Variants in PRKACB observed in about 807,000 individuals in gnomAD.
The protein encoded by PRKACB is protein kinase cAMP-activated catalytic subunit beta, also known as cAMP-dependent protein kinase catalytic subunit beta.
PRKACB carries 16 observed loss-of-function variants against 51.4 expected under a neutral mutation model. The ratio of observed to expected loss-of-function variants is 0.31; its 90% CI spans 0.21 to 0.47. The LOEUF is 0.47. Among genes scored for constraint, PRKACB ranks in the 20% least tolerant of loss-of-function variants. The pLI is 1.00. For synonymous variants in PRKACB, 147 were observed against 154.4 expected, an observed-to-expected ratio of 0.95 and a Z score of 0.35; for missense variants, 309 against 464.5, an observed-to-expected ratio of 0.67 and a Z score of 3.08.
intron 1 of PRKACB, among the ~76,000 whole-genome samples, chr1:84,092,416 G>C (rs1273337070): frequency 1.3e-5 from 2 of 152,198 alleles, no homozygotes; most frequent in Non-Finnish European, 2.9e-5. Context: ...TTCTATGGTT[G>C]ATGTAAATTT....
At chr1:84,193,058 C>T (rs1667245762) in intron 5 of PRKACB, among the ~76,000 whole-genome samples, 1 of 152,084 alleles carries the variant, frequency 6.6e-6, no homozygotes, top group Admixed American at 6.6e-5. Flanking sequence ...AAACTGAGGT[C>T]TAAACCTTAC....
intron 1 of PRKACB, among the ~76,000 whole-genome samples, chr1:84,171,741 C>A (rs1238944828): frequency 6.6e-6 from 1 of 151,472 alleles, no homozygotes; most frequent in African/African-American, 2.4e-5. Context: ...TCATTATTCA[C>A]AAATGATTTG....
chr1:84,204,422 T>C, intron 8 of PRKACB: 2 of 1,319,680 alleles, frequency 1.5e-6, no homozygotes, highest in Non-Finnish European at 1.1e-6. Flanking sequence ...GCTGTTCTTC[T>C]TACATTTGTA....
chr1:84,116,995 A>T (rs1571644230), intron 1 of PRKACB, among the ~76,000 whole-genome samples: 1 of 148,314 alleles, frequency 6.7e-6, no homozygotes, highest in Non-Finnish European at 1.5e-5. Flanking sequence ...TGTTCCTTTT[A>T]TGCCTAGTTT....
intron 8 of PRKACB, chr1:84,204,997 C>T (rs558453063): frequency 1.0e-6 from 1 of 983,664 alleles, no homozygotes; most frequent in Non-Finnish European, 1.2e-6. Flanking sequence ...TCATAACAGT[C>T]TAAATCCTGG....
chr1:84,132,900 T>C (rs1652387277), intron 1 of PRKACB, among the ~76,000 whole-genome samples: 1 of 152,034 alleles, frequency 6.6e-6, no homozygotes, highest in African/African-American at 2.4e-5. Flanking sequence ...TAAAAAGGTA[T>C]ATGATTTATC....
intron 9 of PRKACB, among the ~76,000 whole-genome samples, chr1:84,220,580 A>C (rs908305541): frequency 1.3e-5 from 2 of 152,140 alleles, no homozygotes; most frequent in Non-Finnish European, 2.9e-5. Flanking sequence ...TGAGTTTGTC[A>C]TATATGACCT....
intron 1 of PRKACB, among the ~76,000 whole-genome samples, chr1:84,128,505 G>A (rs1344864269): frequency 6.6e-6 from 1 of 152,114 alleles, no homozygotes; most frequent in Non-Finnish European, 1.5e-5. Flanking sequence ...TTGTTTGCAT[G>A]CTTCCAGTGT....
intron 1 of PRKACB, among the ~76,000 whole-genome samples, chr1:84,102,379 T>G (rs1649418835): frequency 6.6e-6 from 1 of 151,788 alleles, no homozygotes; most frequent in Non-Finnish European, 1.5e-5. Flanking sequence ...AGAGCGAGAC[T>G]CCATCTCAAA....
chr1:84,148,702 T>A (rs1163049726), intron 1 of PRKACB, among the ~76,000 whole-genome samples: 1 of 152,178 alleles, frequency 6.6e-6, no homozygotes, highest in African/African-American at 2.4e-5. Flanking sequence ...CAGTGTTACC[T>A]GTGTATTTTT....
At chr1:84,188,662 A>G (rs1031496371) in intron 5 of PRKACB, among the ~76,000 whole-genome samples, 8 of 151,962 alleles carry the variant, frequency 5.3e-5, no homozygotes, top group Non-Finnish European at 7.4e-5. Flanking sequence ...TAAAAGATCT[A>G]GTATCACATC....
At chr1:84,088,363 G>T (rs1256425103) in intron 1 of PRKACB, among the ~76,000 whole-genome samples, 1 of 152,122 alleles carries the variant, frequency 6.6e-6, no homozygotes, top group East Asian at 1.9e-4. Context: ...TCTGGACTTT[G>T]TCCTTAGAAA....
rs945895294 is a variant in PRKACB, at chr1:84,164,695, C to A, written c.188-14482C>A. 3 of 1,391,842 alleles carry A rather than the reference C, an allele frequency of 2.2e-6. No individual in the cohort carries two copies. In the East Asian group the frequency reaches 7.7e-5, roughly 36 times the overall value. The allele number at this position is 1,391,842 out of a possible 1,614,324, so 86.2% of individuals were successfully genotyped here. ...TCCTGGTTCGAACATTTTCTCCCTG[C>A]CATTTTGAGTTGTTCTAGTGGTATA... On this transcript the variant is annotated intron_variant, in intron 1 of 9. Transcript: ENST00000370685.
chr1:84,113,180 T>A (rs990237438), intron 1 of PRKACB, among the ~76,000 whole-genome samples: 3 of 152,168 alleles, frequency 2.0e-5, no homozygotes, highest in African/African-American at 4.8e-5. Flanking sequence ...TTAGCAAAGA[T>A]GAACAAGTCA....
At chr1:84,193,894 T>C (rs1667484545) in intron 5 of PRKACB, among the ~76,000 whole-genome samples, 1 of 152,140 alleles carries the variant, frequency 6.6e-6, no homozygotes, top group Admixed American at 6.6e-5. Flanking sequence ...GATGGTAATT[T>C]GATTCATAAA....
intron 1 of PRKACB, among the ~76,000 whole-genome samples, chr1:84,084,855 G>A (rs1279360537): frequency 6.6e-6 from 1 of 152,180 alleles, no homozygotes; most frequent in Admixed American, 6.5e-5. Flanking sequence ...TCTGATAAAT[G>A]ATAGCTGATT....
chr1:84,198,761 CA>C (rs1036427661), intron 7 of PRKACB, among the ~76,000 whole-genome samples: 18 of 146,868 alleles, frequency 1.2e-4, no homozygotes, highest in Non-Finnish European at 1.8e-4. Context: ...AACAAACAAC[CA>C]AAAAAAAACC....
intron 9 of PRKACB, among the ~76,000 whole-genome samples, chr1:84,217,773 A>T (rs1347961654): frequency 6.6e-6 from 1 of 152,208 alleles, no homozygotes; most frequent in Non-Finnish European, 1.5e-5. Flanking sequence ...AGCCTGGGCT[A>T]CAGAGCTGAG....
chr1:84,173,985 T>C (rs186632302), intron 1 of PRKACB, among the ~76,000 whole-genome samples: 2 of 151,962 alleles, frequency 1.3e-5, no homozygotes, highest in Admixed American at 1.3e-4. Context: ...TCCCTCATTA[T>C]TTTATCCTAT....
Sources: allele counts gnomAD v4.1 joint callset (sites outside exome capture counted in the v4.1 genomes callset), GRCh38; gene constraint gnomAD v4.1.1; transcripts MANE v1.5; gene names NCBI Gene and HGNC (gene_info 2026-07-23, HGNC 2026-07-21).